Variants in ZNF710 observed in about 807,000 individuals in gnomAD.
ZNF710 encodes zinc finger protein 710.
ZNF710 carries 13 observed loss-of-function variants against 50.6 expected under a neutral mutation model. The observed-to-expected ratio is 0.26, with a 90% CI of 0.17 to 0.41. ZNF710 has a LOEUF of 0.41. Among genes scored for constraint, ZNF710 ranks in the 10% least tolerant of loss-of-function variants. The pLI is 1.00. For missense variants in ZNF710, 721 were observed against 936.6 expected (o/e 0.77, Z 3.01); for synonymous variants, 383 against 397.0 (o/e 0.96, Z 0.42).
rs1241551947 is a variant in ZNF710, at chr15:90,034,639, G to A, written c.-28-32471G>A. Among the ~76,000 whole-genome samples the A allele has an allele frequency of 1.3e-5, 2 of 152,116 alleles. No individual in the cohort carries two copies. The highest frequency in any genetic ancestry group is 2.1e-4 in the South Asian group (1 of 4,822). On this transcript the variant is annotated intron_variant, in intron 1 of 4. Transcript: ENST00000268154. This position sits in a 1 kb window ranked among gnomAD's most constrained non-coding sequence, Gnocchi z 4.0. ...GCCTCCTCCGGCCTCTGCCTCACCC[G>A]CCAGCTCTTCTCACCCCTTCTGAGA...
intron 1 of ZNF710, among the ~76,000 whole-genome samples, chr15:90,020,071 G>A (rs566644125): frequency 1.3e-5 from 2 of 152,264 alleles, no homozygotes; most frequent in Admixed American, 6.5e-5. Context: ...CCAGTTCTTC[G>A]TCATCACTTG....
Position 90,062,896 on chromosome 15 carries a change from C to T in ZNF710, c.-28-4214C>T, listed in dbSNP as rs904602561. Among the ~76,000 whole-genome samples, 1 of 152,214 alleles carries T rather than the reference C, an allele frequency of 6.6e-6. No homozygotes were observed. The highest frequency in any genetic ancestry group is 2.4e-5 in the African/African-American group (1 of 41,460). Reference sequence around the variant, plus strand: ...GCCCCAGTGAACAAGACAACATGGACACGGGGCCTGCCCCCATAAGCCTCA... The same window carrying T: ...GCCCCAGTGAACAAGACAACATGGATACGGGGCCTGCCCCCATAAGCCTCA... On this transcript the variant is annotated intron_variant, in intron 1 of 4. Transcript: ENST00000268154. This position sits in a 1 kb window ranked among gnomAD's most constrained non-coding sequence, Gnocchi z 5.6.
chr15:90,003,120 C>G (rs1950384524), intron 1 of ZNF710, among the ~76,000 whole-genome samples: 1 of 152,298 alleles, frequency 6.6e-6, no homozygotes, highest in Middle Eastern at 3.4e-3. Context: ...GTGATCCGCC[C>G]GCCCCGGCCT....
intron 4 of ZNF710, among the ~76,000 whole-genome samples, chr15:90,079,021 G>A (rs573950241): frequency 6.6e-6 from 1 of 152,342 alleles, no homozygotes; most frequent in Admixed American, 6.5e-5. Flanking sequence ...TGTCCCTGGA[G>A]AGCCAGGCCC....
At chr15:90,069,288 G>C (rs1327818157) in intron 2 of ZNF710, among the ~76,000 whole-genome samples, 1 of 150,394 alleles carries the variant, frequency 6.6e-6, no homozygotes, top group Non-Finnish European at 1.5e-5. Flanking sequence ...TACACCTATA[G>C]TCCCAGCTAC....
chr15:90,049,888 T>C (rs996707219), intron 1 of ZNF710, among the ~76,000 whole-genome samples: 2 of 152,198 alleles, frequency 1.3e-5, no homozygotes, highest in Non-Finnish European at 2.9e-5. Context: ...AGCATCTCCC[T>C]CCGCAGCTCA....
intron 1 of ZNF710, among the ~76,000 whole-genome samples, chr15:90,060,250 G>T (rs1013305797): frequency 1.3e-5 from 2 of 152,228 alleles, no homozygotes; most frequent in East Asian, 3.8e-4. Flanking sequence ...TTTAGTAAAT[G>T]TGCATTAAAT....
In ZNF710 at chr15:90,080,167, C is replaced by G. The variant is rs1900687874; in HGVS notation, c.*338C>G. ...AGGGCACCGGCCCTCGGGGTCTCTCCAGGCCCAGCAGAGCTCTTCAGGGGT... is the reference window on the plus strand; with the variant it reads ...AGGGCACCGGCCCTCGGGGTCTCTCGAGGCCCAGCAGAGCTCTTCAGGGGT... On this transcript the variant is annotated 3_prime_UTR_variant, in exon 5 of 5. Coordinates refer to ENST00000268154, the MANE Select transcript of ZNF710 (RefSeq NM_198526.4). 4.6e-6 allele frequency: 1 copy of G among 219,282 alleles called. No homozygotes were observed. The highest frequency in any genetic ancestry group is 2.3e-5 in the African/African-American group (1 of 42,806). 13.6% of individuals were successfully genotyped at this position (219,282 alleles called of 1,614,324 possible).
At chr15:90,047,418 A>T (rs1474746738) in intron 1 of ZNF710, among the ~76,000 whole-genome samples, 2 of 152,270 alleles carry the variant, frequency 1.3e-5, no homozygotes, top group East Asian at 1.9e-4. Context: ...GTAGCAGAGG[A>T]TGCAAACTCA....
At chr15:90,047,242 C>T (rs1286009456) in intron 1 of ZNF710, among the ~76,000 whole-genome samples, 2 of 152,332 alleles carry the variant, frequency 1.3e-5, no homozygotes, top group South Asian at 2.1e-4. Context: ...CAGCTCCTCC[C>T]GTAACTAACG....
intron 2 of ZNF710, among the ~76,000 whole-genome samples, chr15:90,069,998 A>G (rs1398514987): frequency 6.6e-6 from 1 of 152,162 alleles, no homozygotes; most frequent in African/African-American, 2.4e-5. Context: ...TCAAAGCTGA[A>G]TGTACATAGA....
chr15:90,032,248 T>G (rs1898970762), intron 1 of ZNF710, among the ~76,000 whole-genome samples: 1 of 152,080 alleles, frequency 6.6e-6, no homozygotes, highest in African/African-American at 2.4e-5. Flanking sequence ...TCCTCCCGCC[T>G]CGGTCTCCCA....
At chr15:90,017,171 T>C (rs1485360244) in intron 1 of ZNF710, among the ~76,000 whole-genome samples, 1 of 152,150 alleles carries the variant, frequency 6.6e-6, no homozygotes, top group African/African-American at 2.4e-5. Flanking sequence ...TCTGGGAGAA[T>C]AACTTTTTAA....
rs1213865902 is a variant in ZNF710, at chr15:90,079,868, G to A, written c.*39G>A. 1.3e-6 allele frequency: 2 copies of A among 1,554,688 alleles called. No individual in the cohort carries two copies. Among genetic ancestry groups the A allele is most frequent in the African/African-American group, 1.4e-5 (1 of 71,902 alleles). On this transcript the variant is annotated 3_prime_UTR_variant, in exon 5 of 5. Transcript: ENST00000268154. ...ACCCCTAACGGGGGCCGGGGGCGAGGGCATGGGGGTGAGACCCATGGGCTG... is the reference window on the plus strand; with the variant it reads ...ACCCCTAACGGGGGCCGGGGGCGAGAGCATGGGGGTGAGACCCATGGGCTG...
At chr15:90,024,880 G>T (rs1898729186) in intron 1 of ZNF710, 1 of 152,190 alleles carries the variant, frequency 6.6e-6, no homozygotes, top group Non-Finnish European at 1.5e-5. Context: ...CATTAGCAAG[G>T]GCCTGCACCG....
chr15:90,040,642 C>CT lies in ZNF710; in HGVS notation c.-28-26461dup, dbSNP rs1307458538. Among the ~76,000 whole-genome samples, 3 of 152,062 alleles carry CT rather than the reference C, an allele frequency of 2.0e-5. No individual in the cohort carries two copies. Among genetic ancestry groups the CT allele is most frequent in the Non-Finnish European group, 4.4e-5 (3 of 68,010 alleles). ...TTTTTTATCAGAGTAATATATGCATCTTTTTTTACATCAAACAATACTGAT... is the reference window on the plus strand; with the variant it reads ...TTTTTTATCAGAGTAATATATGCATCTTTTTTTTACATCAAACAATACTGAT... On this transcript the variant is annotated intron_variant, in intron 1 of 4. Coordinates refer to ENST00000268154, the MANE Select transcript of ZNF710 (RefSeq NM_198526.4). This position sits in a 1 kb window ranked among gnomAD's most constrained non-coding sequence, Gnocchi z 4.6.
intron 1 of ZNF710, among the ~76,000 whole-genome samples, chr15:90,057,690 AAATAATAATAAT>A (rs71151550): frequency 7.9e-5 from 11 of 139,524 alleles, no homozygotes; most frequent in Non-Finnish European, 1.1e-4. Context: ...GAGCAAGACT[AAATAATAATAAT>A]AATAATAATA....
chr15:90,074,202 C>T lies in ZNF710; in HGVS notation c.1737C>T (p.Tyr579=), dbSNP rs972656733. 11 of 1,613,288 alleles carry T rather than the reference C, an allele frequency of 6.8e-6. No individual in the cohort carries two copies. Residue 579 remains tyrosine (Y), a synonymous_variant, in exon 4 of 5, where the codon TAC becomes TAT. Transcript: ENST00000268154. The part of the protein sequence containing the change: ...HAGSKPFKCP[Y]CSSKFNLKGN... ...GCAGCAAGCCCTTCAAGTGCCCCTA[C>T]TGCTCCAGCAAGTTTAATCTCAAGG...
At chr15:90,050,896 C>T (rs1288014154) in intron 1 of ZNF710, among the ~76,000 whole-genome samples, 1 of 152,150 alleles carries the variant, frequency 6.6e-6, no homozygotes, top group African/African-American at 2.4e-5. Context: ...CTTTGTGCCT[C>T]ACCAGCACCC....
Sources: allele counts gnomAD v4.1 joint callset (sites outside exome capture counted in the v4.1 genomes callset), GRCh38; gene constraint gnomAD v4.1.1; non-coding constraint Gnocchi (gnomAD v3.1); transcripts MANE v1.5; gene names NCBI Gene and HGNC (gene_info 2026-07-23, HGNC 2026-07-21).